EYA4: variants seen among roughly 807,000 people sequenced by gnomAD.
EYA4 encodes the protein EYA transcriptional coactivator and phosphatase 4, also known as protein phosphatase EYA4.
In EYA4, 31 loss-of-function variants were observed where a neutral mutation model predicts 87.9. The ratio of observed to expected loss-of-function variants is 0.35; its 90% CI spans 0.27 to 0.48. The LOEUF is 0.48. Among genes scored for constraint, EYA4 ranks in the 20% least tolerant of loss-of-function variants. EYA4 has a pLI of 0.99. For synonymous variants in EYA4, 263 were observed against 270.6 expected (o/e 0.97, Z 0.28); for missense variants, 678 against 761.4 (o/e 0.89, Z 1.29).
rs542315207 is a variant in EYA4, at chr6:133,441,825, A to G, written c.84-4805A>G. Among the ~76,000 whole-genome samples the G allele has an allele frequency of 2.0e-5, 3 of 152,188 alleles. No homozygotes were observed. The South Asian group carries it at 6.2e-4, about 32-fold the overall frequency. On this transcript the variant is annotated intron_variant, in intron 3 of 19. Coordinates refer to ENST00000355286, the MANE Select transcript of EYA4 (RefSeq NM_004100.5). ...TGAGTCAGGGTGGAACAGGTAATTG[A>G]AAAGGGTTGCTTTATGAGGAAGTTA... is the stretch of plus-strand genomic sequence containing the variant.
chr6:133,529,661 G>A lies in EYA4; in HGVS notation c.*856G>A. 1.0e-6 allele frequency: 1 copy of A among 984,276 alleles called. No individual in the cohort carries two copies. The highest frequency in any genetic ancestry group is 1.2e-6 in the Non-Finnish European group (1 of 828,890). 61.0% of individuals were successfully genotyped at this position (984,276 alleles called of 1,614,324 possible). A position where few individuals can be genotyped will look rare whatever the true frequency, so the allele number is the denominator to read the frequency against. The stretch of plus-strand genomic sequence containing the variant: ...AAGAAAACAACAATAATAAAGGAAA[G>A]CTTGTGTTTCATTTGGGTTCTTAAT... On this transcript the variant is annotated 3_prime_UTR_variant, in exon 20 of 20. Coordinates refer to ENST00000355286, the MANE Select transcript of EYA4 (RefSeq NM_004100.5).
intron 3 of EYA4, among the ~76,000 whole-genome samples, chr6:133,434,463 CT>C: frequency 6.6e-6 from 1 of 152,220 alleles, no homozygotes; most frequent in African/African-American, 2.4e-5. Context: ...GTAGGCCAAC[CT>C]TTGGATACTT....
chr6:133,306,072 G>A (rs1314782711), intron 2 of EYA4, among the ~76,000 whole-genome samples: 3 of 152,054 alleles, frequency 2.0e-5, no homozygotes, highest in South Asian at 2.1e-4. Flanking sequence ...TTTTCCTGGC[G>A]GTTTTAATGG....
At chr6:133,273,905 G>T (rs1776946303) in intron 1 of EYA4, among the ~76,000 whole-genome samples, 1 of 152,024 alleles carries the variant, frequency 6.6e-6, no homozygotes, top group South Asian at 2.1e-4. Context: ...TTGTGTGTGT[G>T]TGGGTGTGTG....
intron 3 of EYA4, among the ~76,000 whole-genome samples, chr6:133,435,983 G>A (rs1414763310): frequency 6.6e-6 from 1 of 152,108 alleles, no homozygotes; most frequent in African/African-American, 2.4e-5. Context: ...CACTTTGGGA[G>A]GCTGAGGCAG....
rs552714925 is a variant in EYA4 at position 133,466,224 on chromosome 6, A to G, written c.804+1366A>G. Among the ~76,000 whole-genome samples the G allele has an allele frequency of 3.3e-5, 5 of 152,262 alleles. No homozygotes were observed. In the East Asian group the frequency reaches 5.8e-4, roughly 18 times the overall value. On this transcript the variant is annotated intron_variant, in intron 10 of 19. Coordinates refer to ENST00000355286, the MANE Select transcript of EYA4 (RefSeq NM_004100.5). ...GGCAGAGTTGTACTATAAAGGAAAAACTGCTCTGCCTCTATTTGGGAGGAT... is the reference window on the plus strand; with the variant it reads ...GGCAGAGTTGTACTATAAAGGAAAAGCTGCTCTGCCTCTATTTGGGAGGAT...
intron 2 of EYA4, among the ~76,000 whole-genome samples, chr6:133,331,210 TGAAATGAC>T (rs1582979967): frequency 6.6e-6 from 1 of 152,120 alleles, no homozygotes; most frequent in African/African-American, 2.4e-5. Context: ...TATGGTTTTA[TGAAATGAC>T]AAAATGACTA....
At chr6:133,424,842 C>T (rs767236014) in intron 3 of EYA4, among the ~76,000 whole-genome samples, 4 of 150,806 alleles carry the variant, frequency 2.7e-5, no homozygotes, top group South Asian at 4.2e-4. Context: ...AGGGAGCTCC[C>T]GCCCACTCAG....
At chr6:133,397,290 C>A (rs754524711) in intron 3 of EYA4, among the ~76,000 whole-genome samples, 1 of 152,142 alleles carries the variant, frequency 6.6e-6, no homozygotes, top group Non-Finnish European at 1.5e-5. Context: ...CAATAAGCTC[C>A]AGATCCTGAA....
chr6:133,251,771 T>G (rs1774922678), intron 1 of EYA4, among the ~76,000 whole-genome samples: 1 of 152,080 alleles, frequency 6.6e-6, no homozygotes, highest in African/African-American at 2.4e-5. Flanking sequence ...GGGAGCAAAA[T>G]TGCCTCTTCT....
chr6:133,398,975 A>G (rs1205065101), intron 3 of EYA4, among the ~76,000 whole-genome samples: 5 of 152,168 alleles, frequency 3.3e-5, no homozygotes, highest in Admixed American at 3.3e-4. Flanking sequence ...TTAAGTAAGT[A>G]TAAGATACAA....
At chr6:133,384,059 T>C (rs1786489816) in intron 3 of EYA4, among the ~76,000 whole-genome samples, 2 of 152,234 alleles carry the variant, frequency 1.3e-5, no homozygotes, top group African/African-American at 4.8e-5. Flanking sequence ...TTATTATTAA[T>C]ATTTCATATC....
chr6:133,259,523 G>A (rs2128240630), intron 1 of EYA4, among the ~76,000 whole-genome samples: 1 of 152,242 alleles, frequency 6.6e-6, no homozygotes, highest in African/African-American at 2.4e-5. Flanking sequence ...ATATTCAAAT[G>A]CTACAGGGGA....
At chr6:133,315,079 G>A (rs538298330) in intron 2 of EYA4, among the ~76,000 whole-genome samples, 3 of 152,252 alleles carry the variant, frequency 2.0e-5, no homozygotes, top group African/African-American at 7.2e-5. Context: ...AAATTCACCC[G>A]CATGGAACGG....
intron 16 of EYA4, among the ~76,000 whole-genome samples, chr6:133,515,102 AC>A (rs1799474303): frequency 6.6e-6 from 1 of 152,238 alleles, no homozygotes; most frequent in Admixed American, 6.5e-5. Flanking sequence ...TTTCAGTGGC[AC>A]TACCTGAGAC....
intron 1 of EYA4, among the ~76,000 whole-genome samples, chr6:133,257,854 T>C (rs1342714513): frequency 6.6e-6 from 1 of 151,850 alleles, no homozygotes; most frequent in African/African-American, 2.4e-5. Flanking sequence ...TATGCTCTCA[T>C]TCATTCATTC....
intron 13 of EYA4, among the ~76,000 whole-genome samples, chr6:133,496,200 A>T (rs995634931): frequency 6.6e-6 from 1 of 152,082 alleles, no homozygotes; most frequent in Non-Finnish European, 1.5e-5. Context: ...GGGAGGGGGG[A>T]AAAGACCTTT....
intron 3 of EYA4, among the ~76,000 whole-genome samples, chr6:133,411,001 C>G (rs1789180336): frequency 6.6e-6 from 1 of 151,784 alleles, no homozygotes; most frequent in Non-Finnish European, 1.5e-5. Flanking sequence ...CCCCACCACC[C>G]CCTGACTTTC....
At chr6:133,374,627 C>T (rs867740727) in intron 2 of EYA4, among the ~76,000 whole-genome samples, 1 of 151,930 alleles carries the variant, frequency 6.6e-6, no homozygotes, top group Non-Finnish European at 1.5e-5. Flanking sequence ...TCCAGGTATG[C>T]AGTAGAGTCC....
Sources: gnomAD v4.1 joint callset for allele counts (sites outside exome capture counted in the v4.1 genomes callset) on GRCh38, gnomAD v4.1.1 for gene constraint, MANE v1.5 for transcripts, NCBI Gene and HGNC (gene_info 2026-07-23, HGNC 2026-07-21) for gene names.